Variants in TBC1D8 observed in about 807,000 individuals in gnomAD.
The protein encoded by TBC1D8 is TBC1 domain family member 8.
TBC1D8 carries 65 observed loss-of-function variants against 118.8 expected under a neutral mutation model. The ratio of observed to expected loss-of-function variants is 0.55; its 90% CI spans 0.45 to 0.67. The LOEUF is 0.67. TBC1D8 is among the 30% of genes least tolerant of loss of function. The pLI is 0.00. For missense variants in TBC1D8, 1,376 were observed against 1,471.2 expected, an observed-to-expected ratio of 0.94 and a Z score of 1.06; for synonymous variants, 566 against 595.8, an observed-to-expected ratio of 0.95 and a Z score of 0.73.
At chr2:101,017,919 A>G in intron 17 of TBC1D8, 1 of 1,550,898 alleles carries the variant, frequency 6.4e-7, no homozygotes, top group Non-Finnish European at 8.7e-7. Context: ...ACCGAACAAG[A>G]AGAGGAAAGC....
chr2:101,132,652 A>G (rs2104260018), intron 1 of TBC1D8, among the ~76,000 whole-genome samples: 1 of 152,264 alleles, frequency 6.6e-6, no homozygotes, highest in Non-Finnish European at 1.5e-5. Flanking sequence ...GCAGTGGCAT[A>G]AACACAGTTC....
intron 12 of TBC1D8, 125 bp from the exon 13 acceptor site, chr2:101,028,557 C>T (rs1291681448): frequency 7.4e-7 from 1 of 1,353,342 alleles, no homozygotes; most frequent in Non-Finnish European, 9.8e-7. Context: ...GAGGGCAAGG[C>T]TGCAGCTGCT....
intron 1 of TBC1D8, among the ~76,000 whole-genome samples, chr2:101,110,635 C>A (rs1354979122): frequency 1.3e-5 from 2 of 152,122 alleles, no homozygotes; most frequent in Non-Finnish European, 2.9e-5. Context: ...GGGCTGTTTG[C>A]TTTGGCTGCT....
At position 101,007,868 on chromosome 2, in the gene TBC1D8, C is replaced by CG; in HGVS notation, c.3420_3421insC (p.Glu1141ArgfsTer9). 1 of 1,611,262 alleles carries CG rather than the reference C, an allele frequency of 6.2e-7. No homozygotes were observed. Among genetic ancestry groups the CG allele is most frequent in the African/African-American group, 1.4e-5 (1 of 72,450 alleles). On this transcript the variant is annotated frameshift_variant, in exon 20 of 20. Coordinates refer to ENST00000409318, the MANE Select transcript of TBC1D8 (RefSeq NM_001330348.2). LOFTEE classifies it high-confidence loss of function. ...TCAGATTGTGATTGGTGGCTCATTT[C>CG]AAAAGTTTTGAGATTGTACTGATTG... is the stretch of plus-strand genomic sequence containing the variant.
intron 5 of TBC1D8, among the ~76,000 whole-genome samples, chr2:101,041,657 C>T (rs1237954502): frequency 6.6e-6 from 1 of 151,878 alleles, no homozygotes; most frequent in African/African-American, 2.4e-5. Context: ...TGGTAAAAAC[C>T]ACTGAATGGT....
intron 2 of TBC1D8, among the ~76,000 whole-genome samples, chr2:101,065,209 C>T (rs974793902): frequency 6.6e-6 from 1 of 152,202 alleles, no homozygotes; most frequent in Non-Finnish European, 1.5e-5. Flanking sequence ...GTGCCTTCTC[C>T]AGCCACCTAA....
chr2:101,134,170 T>TC (rs1678725458), intron 1 of TBC1D8, among the ~76,000 whole-genome samples: 1 of 126,216 alleles, frequency 7.9e-6, no homozygotes, highest in Non-Finnish European at 1.7e-5. Flanking sequence ...TCTCTTCTCT[T>TC]TCTCTCTCTC....
At chr2:101,125,789 A>G (rs1441441263) in intron 1 of TBC1D8, among the ~76,000 whole-genome samples, 1 of 152,258 alleles carries the variant, frequency 6.6e-6, no homozygotes, top group Non-Finnish European at 1.5e-5. Flanking sequence ...CCTTAATGCC[A>G]GAGTGAGGCA....
At chr2:101,131,450 G>A (rs1313270754) in intron 1 of TBC1D8, among the ~76,000 whole-genome samples, 1 of 151,876 alleles carries the variant, frequency 6.6e-6, no homozygotes. Context: ...GGGAGGCAGA[G>A]GTTGCAGTGA....
chr2:101,088,896 T>A (rs1675819813), intron 2 of TBC1D8, among the ~76,000 whole-genome samples: 1 of 152,058 alleles, frequency 6.6e-6, no homozygotes, highest in Admixed American at 6.5e-5. Context: ...CGAGCATGCA[T>A]CATCTTTGTC....
intron 1 of TBC1D8, among the ~76,000 whole-genome samples, chr2:101,102,052 G>A (rs1158947823): frequency 6.7e-6 from 1 of 149,406 alleles, no homozygotes; most frequent in South Asian, 2.2e-4. Context: ...GGAGTGGAGA[G>A]GAGGGGAGGG....
At chr2:101,076,984 C>G (rs1356495117) in intron 2 of TBC1D8, among the ~76,000 whole-genome samples, 3 of 152,122 alleles carry the variant, frequency 2.0e-5, no homozygotes, top group African/African-American at 7.2e-5. Context: ...ATGGTGGGAG[C>G]AGGAGCAAGA....
chr2:101,137,090 T>A (rs1376144196), intron 1 of TBC1D8, among the ~76,000 whole-genome samples: 2 of 148,020 alleles, frequency 1.4e-5, no homozygotes, highest in Non-Finnish European at 3.0e-5. Flanking sequence ...TGGAGTGCAA[T>A]GGCGCGATCT....
At position 101,033,524 on chromosome 2, in the gene TBC1D8, C is replaced by A. The variant is rs761989805; in HGVS notation, c.1818+20G>T. 1 of 1,613,736 alleles carries A rather than the reference C, an allele frequency of 6.2e-7. No homozygotes were observed. Among genetic ancestry groups the A allele is most frequent in the Non-Finnish European group, 8.5e-7 (1 of 1,179,782 alleles). ...ACACCAACTAAAGACTCTCTGCGCC[C>A]CAGAGCACACCCCTTTCACCTGGCA... On this transcript the variant is annotated intron_variant, in intron 10 of 19. Coordinates refer to ENST00000409318, the MANE Select transcript of TBC1D8 (RefSeq NM_001330348.2).
At position 101,011,501 on chromosome 2, in the gene TBC1D8, C is replaced by G; in HGVS notation, c.2867G>C (p.Arg956Thr). 3 of 1,613,810 alleles carry G rather than the reference C, an allele frequency of 1.9e-6. No homozygotes were observed. Among genetic ancestry groups the G allele is most frequent in the East Asian group, 2.2e-5 (1 of 44,878 alleles). The stretch of plus-strand genomic sequence containing the variant: ...TCTCGATGTTGACAACAGAGGATTC[C>G]TCAACGGCGACTGGCTGTCTCGGTC... ...ENDRDSQSPLRNPLLSTSRPL... is the reference protein window; with the variant it reads ...ENDRDSQSPLTNPLLSTSRPL... The change falls in exon 18 of 20, where the codon AGG (arginine) becomes ACG (threonine). Residue 956 changes from arginine (R) to threonine (T), a missense_variant. By Grantham distance (71) the Arg-to-Thr change is moderately conservative. Coordinates refer to ENST00000409318, the MANE Select transcript of TBC1D8 (RefSeq NM_001330348.2).
intron 17 of TBC1D8, chr2:101,017,849 T>C: frequency 6.4e-7 from 1 of 1,550,748 alleles, no homozygotes; most frequent in Non-Finnish European, 8.7e-7. Context: ...TACATGCAAT[T>C]CCCAATTAGG....
Position 101,019,221 on chromosome 2 carries a change from T to C in TBC1D8, c.2827+2460A>G, listed in dbSNP as rs1338599300. ...ACAAGGTACTGATGTCTTCTGCCCTTGCCTCTTCGACAGGCAAGTAATAAG... is the reference window on the plus strand; with the variant it reads ...ACAAGGTACTGATGTCTTCTGCCCTCGCCTCTTCGACAGGCAAGTAATAAG... On this transcript the variant is annotated intron_variant, in intron 17 of 19. Coordinates refer to ENST00000409318, the MANE Select transcript of TBC1D8 (RefSeq NM_001330348.2). 1.2e-5 allele frequency: 7 copies of C among 602,954 alleles called. No homozygotes were observed. In the East Asian group the frequency reaches 2.0e-4, roughly 17 times the overall value. The allele number at this position is 602,954 out of a possible 1,614,324, so 37.4% of individuals were successfully genotyped here.
chr2:101,034,559 G>A lies in TBC1D8; in HGVS notation c.1604-801C>T, dbSNP rs75994287. Among the ~76,000 whole-genome samples the A allele has an allele frequency of 5.5e-3, 832 of 152,326 alleles. 19 individuals are homozygous for A. In the East Asian group the frequency reaches 0.065, roughly 12 times the overall value. Reference sequence around the variant, plus strand: ...CAGAGCTACAGCCCAGGCCTCAGCGGGCGGGCAAGATGAAGGGATGAATGC... The same window carrying A: ...CAGAGCTACAGCCCAGGCCTCAGCGAGCGGGCAAGATGAAGGGATGAATGC... On this transcript the variant is annotated intron_variant, in intron 9 of 19. Coordinates refer to ENST00000409318, the MANE Select transcript of TBC1D8 (RefSeq NM_001330348.2).
Position 101,029,514 on chromosome 2 carries a change from G to C in TBC1D8, c.2199C>G (p.Gly733=), listed in dbSNP as rs1406615613. ...ACCTGCTGAGGATCATCAAGGCCTG[G>C]CCATCATCCTTGCTGCTGCACAGGT... The part of the protein sequence containing the change: ...AEDLCSSKDD[G]QALMILSRFL... Residue 733 remains glycine (G), a synonymous_variant, in exon 12 of 20, where the codon GGC becomes GGG. Transcript: ENST00000409318. 6.2e-7 allele frequency: 1 copy of C among 1,613,670 alleles called. No individual in the cohort carries two copies. The highest frequency in any genetic ancestry group is 1.1e-5 in the South Asian group (1 of 91,072).
Sources: allele counts gnomAD v4.1 joint callset (sites outside exome capture counted in the v4.1 genomes callset), GRCh38; gene constraint gnomAD v4.1.1; transcripts MANE v1.5; gene names NCBI Gene and HGNC (gene_info 2026-07-23, HGNC 2026-07-21).